CELF4: variants seen among roughly 807,000 people sequenced by gnomAD.
CELF4 encodes CUG-BP- and ETR-3-like factor 4.
In CELF4, 18 loss-of-function variants were observed where a neutral mutation model predicts 59.9. That is an observed-to-expected ratio of 0.30 (90% CI 0.21 to 0.45). The LOEUF (loss-of-function observed/expected upper bound fraction) is 0.45. Ranked by LOEUF, CELF4 falls within the 20% of genes least tolerant of loss-of-function variation. The probability of loss-of-function intolerance (pLI) is 1.00; values close to 1 mark genes in which losing one functional copy is unlikely to be tolerated. For synonymous variants in CELF4, 261 were observed against 267.1 expected (o/e 0.98, Z 0.22); for missense variants, 456 against 689.0 (o/e 0.66, Z 3.79).
chr18:37,298,370 G>A (rs570018384), intron 3 of CELF4, among the ~76,000 whole-genome samples: 58 of 152,310 alleles, frequency 3.8e-4, no homozygotes, highest in African/African-American at 1.3e-3. Context: ...GAATGAGACA[G>A]TGCATGTCAC....
chr18:37,280,684 A>G (rs1462757379), intron 3 of CELF4, among the ~76,000 whole-genome samples: 4 of 152,180 alleles, frequency 2.6e-5, no homozygotes, highest in Non-Finnish European at 5.9e-5. Context: ...AAAGGTGGAG[A>G]GGTGGAGGGA....
intron 1 of CELF4, among the ~76,000 whole-genome samples, chr18:37,515,054 C>A (rs896692677): frequency 5.3e-5 from 8 of 152,182 alleles, no homozygotes; most frequent in African/African-American, 1.4e-4. Flanking sequence ...AAGAAGCGGG[C>A]TCTCCAGGCC....
chr18:37,561,310 G>A (rs1456317737), intron 1 of CELF4, among the ~76,000 whole-genome samples: 3 of 152,212 alleles, frequency 2.0e-5, no homozygotes, highest in African/African-American at 4.8e-5. Context: ...GGACTTGGCC[G>A]TTTAGATTAA....
intron 1 of CELF4, among the ~76,000 whole-genome samples, chr18:37,518,234 C>G (rs897588550): frequency 2.4e-4 from 36 of 152,122 alleles, no homozygotes; most frequent in African/African-American, 8.7e-4. Context: ...GGCGGGCAAG[C>G]GTAATATTAC....
intron 2 of CELF4, among the ~76,000 whole-genome samples, chr18:37,384,637 A>T (rs1212076921): frequency 6.6e-6 from 1 of 152,186 alleles, no homozygotes; most frequent in Non-Finnish European, 1.5e-5. Context: ...GCCTTAGCCT[A>T]TGGAGGGTGG....
intron 3 of CELF4, chr18:37,306,200 G>GCAGT (rs2096390368): frequency 2.0e-5 from 3 of 152,250 alleles, no homozygotes. Context: ...AGACTGTCAG[G>GCAGT]CAGTCCCTGA....
intron 1 of CELF4, among the ~76,000 whole-genome samples, chr18:37,539,472 A>AAC (rs33924254): frequency 1.4e-4 from 15 of 106,746 alleles, no homozygotes; most frequent in Admixed American, 8.3e-4. Context: ...CACACACACA[A>AAC]ACACACACAC....
At chr18:37,313,430 T>C (rs560780211) in intron 3 of CELF4, among the ~76,000 whole-genome samples, 2 of 152,294 alleles carry the variant, frequency 1.3e-5, no homozygotes, top group East Asian at 3.9e-4. Context: ...CACTTCTGTA[T>C]ATTGAATTTT....
At chr18:37,526,533 C>T (rs183442506) in intron 1 of CELF4, among the ~76,000 whole-genome samples, 7 of 152,274 alleles carry the variant, frequency 4.6e-5, no homozygotes, top group Admixed American at 6.5e-5. Flanking sequence ...TACTACTCAG[C>T]GCTTGGGAGG....
intron 2 of CELF4, among the ~76,000 whole-genome samples, chr18:37,450,439 T>C (rs1452475406): frequency 6.6e-6 from 1 of 151,258 alleles, no homozygotes; most frequent in Non-Finnish European, 1.5e-5. Flanking sequence ...CCCCCTTCTT[T>C]CTCTCAGAAC....
intron 1 of CELF4, among the ~76,000 whole-genome samples, chr18:37,549,080 G>A (rs1252656387): frequency 6.6e-6 from 1 of 152,330 alleles, no homozygotes; most frequent in Non-Finnish European, 1.5e-5. Context: ...CCCAGAGCTG[G>A]TCCTGATTAT....
intron 2 of CELF4, among the ~76,000 whole-genome samples, chr18:37,346,229 C>T (rs995963221): frequency 5.3e-5 from 8 of 152,332 alleles, no homozygotes; most frequent in Middle Eastern, 3.4e-3. Flanking sequence ...AGCTGCATTC[C>T]GGCATCACTT....
chr18:37,346,147 A>G (rs1420559935), intron 2 of CELF4, among the ~76,000 whole-genome samples: 1 of 152,100 alleles, frequency 6.6e-6, no homozygotes, highest in Non-Finnish European at 1.5e-5. Flanking sequence ...CTGCTGGAGG[A>G]TGAGGGCTCC....
Position 37,275,310 on chromosome 18 carries a change from G to A in CELF4, c.449-67C>T. 6 of 1,566,130 alleles carry A rather than the reference G, an allele frequency of 3.8e-6. No homozygotes were observed. In the South Asian group the frequency reaches 5.8e-5, roughly 15 times the overall value. On this transcript the variant is annotated intron_variant, in intron 3 of 12. Transcript: ENST00000420428. ...GGCTGCGCGGGAGCAGGGCAAGGCC[G>A]GAGGGGGAGAGCGGCAGGGAAAGGG...
chr18:37,248,366 C>T (rs1275876281), intron 12 of CELF4, among the ~76,000 whole-genome samples: 2 of 152,218 alleles, frequency 1.3e-5, no homozygotes, highest in African/African-American at 4.8e-5. Flanking sequence ...ACTGAGGCTG[C>T]ATCTAGGCAC....
At chr18:37,466,131 C>G (rs541198779) in intron 2 of CELF4, among the ~76,000 whole-genome samples, 7 of 152,350 alleles carry the variant, frequency 4.6e-5, no homozygotes, top group Admixed American at 2.6e-4. Flanking sequence ...TTTCTGTCTG[C>G]TCTTGATCAC....
chr18:37,552,511 C>T (rs1407566756), intron 1 of CELF4, among the ~76,000 whole-genome samples: 1 of 152,260 alleles, frequency 6.6e-6, no homozygotes, highest in Non-Finnish European at 1.5e-5. Context: ...CCAGCAGGCT[C>T]CTCCTCCAGC....
chr18:37,372,715 A>T (rs1431750297), intron 2 of CELF4, among the ~76,000 whole-genome samples: 1 of 152,174 alleles, frequency 6.6e-6, no homozygotes, highest in Non-Finnish European at 1.5e-5. Flanking sequence ...CACAGCATAG[A>T]TTTAAATGAC....
chr18:37,270,217 G>C (rs531137921), intron 8 of CELF4, among the ~76,000 whole-genome samples: 1 of 152,170 alleles, frequency 6.6e-6, no homozygotes, highest in Non-Finnish European at 1.5e-5. Context: ...AGCTGTCCAA[G>C]GTGCTGGGCT....
Sources: allele counts gnomAD v4.1 joint callset (sites outside exome capture counted in the v4.1 genomes callset), GRCh38; gene constraint gnomAD v4.1.1; transcripts MANE v1.5; gene names NCBI Gene and HGNC (gene_info 2026-07-23, HGNC 2026-07-21).